LPA: variants seen among roughly 807,000 people sequenced by gnomAD.
LPA encodes the protein lipoprotein(a).
Under a neutral mutation model 197.9 loss-of-function variants are expected in LPA, and 199 were observed. The observed-to-expected ratio is 1.01, with a 90% CI of 0.90 to 1.13. LPA has a LOEUF of 1.13. Ranked by LOEUF, LPA falls within the 50% of genes most tolerant of loss-of-function variation. LPA has a pLI of 0.00. For missense variants in LPA, 1,853 were observed against 1,785.8 expected, an observed-to-expected ratio of 1.04 and a Z score of -0.68; for synonymous variants, 715 against 639.5, an observed-to-expected ratio of 1.12 and a Z score of -1.78.
At chr6:160,608,915 G>T (rs1046792883) in intron 16 of LPA, among the ~76,000 whole-genome samples, 1 of 151,644 alleles carries the variant, frequency 6.6e-6, no homozygotes, top group East Asian at 1.9e-4. Flanking sequence ...TGGTTCTGTA[G>T]AATTGATTTT....
At chr6:160,654,900 T>A (rs1373599535) in intron 1 of LPA, among the ~76,000 whole-genome samples, 1 of 152,188 alleles carries the variant, frequency 6.6e-6, no homozygotes, top group African/African-American at 2.4e-5. Context: ...CAGTCCTTAG[T>A]CTTCCCTTCC....
intron 30 of LPA, among the ~76,000 whole-genome samples, chr6:160,550,471 A>G (rs1361217473): frequency 1.3e-5 from 2 of 152,230 alleles, no homozygotes; most frequent in African/African-American, 4.8e-5. Context: ...TGGTTCTCCA[A>G]GCAGCTGGCT....
rs1258410716 is a variant in LPA at position 160,605,099 on chromosome 6, C to T, written c.2892G>A (p.Trp964Ter). Residue 964 changes from tryptophan to a stop codon, truncating the protein, a stop_gained, in exon 18 of 39, where the codon TGG becomes TGA. Coordinates refer to ENST00000316300, the MANE Select transcript of LPA (RefSeq NM_005577.4). LOFTEE classifies it high-confidence loss of function. ...TATGCGAGTGTGGTGTCATAGATGA[C>T]CAAGCTTGGCAGGTTCTTCCTGTGA... is the stretch of plus-strand genomic sequence containing the variant. Reference protein sequence around the residue: ...ITVTGRTCQAWSSMTPHSHSR... With the variant: ...ITVTGRTCQA 12 of 1,613,770 alleles carry T rather than the reference C, an allele frequency of 7.4e-6. No individual in the cohort carries two copies. Among genetic ancestry groups the T allele is most frequent in the African/African-American group, 1.3e-5 (1 of 74,882 alleles).
chr6:160,572,678 T>C (rs963002550), intron 28 of LPA, among the ~76,000 whole-genome samples: 1 of 152,202 alleles, frequency 6.6e-6, no homozygotes, highest in African/African-American at 2.4e-5. Context: ...TTACTTTCGC[T>C]GGATACAAAA....
intron 1 of LPA, among the ~76,000 whole-genome samples, chr6:160,656,987 C>T (rs1168964393): frequency 6.6e-6 from 1 of 152,178 alleles, no homozygotes; most frequent in African/African-American, 2.4e-5. Flanking sequence ...TGCTTTGCCT[C>T]TGCTGTCTAT....
At chr6:160,662,123 C>T (rs1353056276) in intron 1 of LPA, among the ~76,000 whole-genome samples, 3 of 152,148 alleles carry the variant, frequency 2.0e-5, no homozygotes, top group South Asian at 2.1e-4. Context: ...TTCCACAATC[C>T]TTTTGTTTCT....
intron 19 of LPA, among the ~76,000 whole-genome samples, chr6:160,600,645 C>T (rs886243977): frequency 6.6e-6 from 1 of 152,150 alleles, no homozygotes; most frequent in African/African-American, 2.4e-5. Flanking sequence ...TTGTCTAGGA[C>T]AATGAGATAG....
At chr6:160,609,641 C>T (rs1779441925) in intron 16 of LPA, among the ~76,000 whole-genome samples, 1 of 152,054 alleles carries the variant, frequency 6.6e-6, no homozygotes. Context: ...TGTATCTACT[C>T]CAAACTCCCT....
intron 28 of LPA, among the ~76,000 whole-genome samples, chr6:160,572,667 C>T (rs891117285): frequency 6.6e-6 from 1 of 152,146 alleles, no homozygotes; most frequent in Non-Finnish European, 1.5e-5. Flanking sequence ...ATATATGATG[C>T]TTACTTTCGC....
intron 28 of LPA, among the ~76,000 whole-genome samples, chr6:160,576,667 T>A (rs1395706579): frequency 1.2e-5 from 1 of 82,908 alleles, no homozygotes; most frequent in African/African-American, 5.9e-5. Flanking sequence ...AATATTCAGA[T>A]GTTTGTGTGT....
In LPA at chr6:160,606,612, G is replaced by C. The variant is rs1455844000; in HGVS notation, c.2650C>G (p.Pro884Ala). 3 of 1,613,924 alleles carry C rather than the reference G, an allele frequency of 1.9e-6. No individual in the cohort carries two copies. The highest frequency in any genetic ancestry group is 1.7e-5 in the Admixed American group (1 of 60,020). Reference sequence around the variant, plus strand: ...CTGGGATCCCTCGTATAACAATAAGGGGCTGCCACAGGATCTGGATTCCTG... The same window carrying C: ...CTGGGATCCCTCGTATAACAATAAGCGGCTGCCACAGGATCTGGATTCCTG... ...YCRNPDPVAAPYCYTRDPSVR... is the reference protein window; with the variant it reads ...YCRNPDPVAAAYCYTRDPSVR... The change falls in exon 17 of 39, where the codon CCT becomes GCT. Residue 884 changes from proline (P) to alanine (A), a missense_variant. Physicochemically the swap from Pro to Ala is conservative, Grantham distance 27. Coordinates refer to ENST00000316300, the MANE Select transcript of LPA (RefSeq NM_005577.4).
intron 1 of LPA, among the ~76,000 whole-genome samples, chr6:160,658,742 A>G (rs1165686044): frequency 1.3e-5 from 2 of 152,162 alleles, no homozygotes; most frequent in Non-Finnish European, 2.9e-5. Flanking sequence ...TAATCATATT[A>G]ATCAGCCAAC....
At chr6:160,653,323 G>C (rs916586376) in intron 1 of LPA, among the ~76,000 whole-genome samples, 7 of 152,186 alleles carry the variant, frequency 4.6e-5, no homozygotes, top group Non-Finnish European at 1.0e-4. Context: ...TAGAGTTAAA[G>C]TTGGACACAT....
At chr6:160,585,938 C>T (rs145125835) in intron 25 of LPA, among the ~76,000 whole-genome samples, 176 of 152,130 alleles carry the variant, frequency 1.2e-3, no homozygotes, top group African/African-American at 4.1e-3. Flanking sequence ...TGAAGGTAGG[C>T]TGGGGAGATA....
chr6:160,568,353 T>TA (rs1778501178), intron 28 of LPA, among the ~76,000 whole-genome samples: 1 of 152,232 alleles, frequency 6.6e-6, no homozygotes, highest in Admixed American at 6.5e-5. Flanking sequence ...TCAATAAATG[T>TA]AATCCATCAT....
At chr6:160,650,948 T>G (rs775082018) in intron 1 of LPA, among the ~76,000 whole-genome samples, 1 of 152,166 alleles carries the variant, frequency 6.6e-6, no homozygotes, top group African/African-American at 2.4e-5. Context: ...TTCTGGGCAA[T>G]GGGGGGAGAA....
intron 20 of LPA, 126 bp downstream of exon 20, chr6:160,599,374 C>T: frequency 7.0e-7 from 1 of 1,418,466 alleles, no homozygotes; most frequent in South Asian, 1.2e-5. Context: ...AGAACTTTTG[C>T]TCACAGGAAA....
At chr6:160,653,971 TATAATATATA>T (rs1780057308) in intron 1 of LPA, among the ~76,000 whole-genome samples, 4 of 21,240 alleles carry the variant, frequency 1.9e-4, no homozygotes, top group African/African-American at 7.9e-4. Context: ...ATATATTATA[TATAATATATA>T]ATATATAATA....
intron 30 of LPA, among the ~76,000 whole-genome samples, chr6:160,553,424 C>T (rs960116264): frequency 3.3e-5 from 5 of 152,052 alleles, no homozygotes; most frequent in African/African-American, 9.7e-5. Flanking sequence ...TGGCAGAATA[C>T]GTATTTACAT....
Sources: allele counts gnomAD v4.1 joint callset (sites outside exome capture counted in the v4.1 genomes callset), GRCh38; gene constraint gnomAD v4.1.1; transcripts MANE v1.5; gene names NCBI Gene and HGNC (gene_info 2026-07-23, HGNC 2026-07-21).